Variants in SCAMP2 observed in about 807,000 individuals in gnomAD.
SCAMP2 encodes the protein secretory carrier membrane protein 2.
Under a neutral mutation model 44.1 loss-of-function variants are expected in SCAMP2, and 25 were observed. That is an observed-to-expected ratio of 0.57 (90% CI 0.41 to 0.79). SCAMP2 has a LOEUF of 0.79. SCAMP2 is among the 30% of genes least tolerant of loss of function. The pLI is 0.00. For missense variants in SCAMP2, 355 were observed against 411.0 expected (o/e 0.86, Z 1.18); for synonymous variants, 156 against 166.0 (o/e 0.94, Z 0.46).
Position 74,845,140 on chromosome 15 carries a change from G to A in SCAMP2, c.933C>T (p.Ser311=). 3 of 1,614,050 alleles carry A rather than the reference G, an allele frequency of 1.9e-6. No homozygotes were observed. The highest frequency in any genetic ancestry group is 2.5e-6 in the Non-Finnish European group (3 of 1,179,996). The change falls in exon 9 of 9, where the codon AGC becomes AGT. Residue 311 remains serine, a synonymous_variant. Coordinates refer to ENST00000268099, the MANE Select transcript of SCAMP2 (RefSeq NM_005697.5). ...QEEFSQGIFS[S]RTFHRAASSA... ...ATGAAGCAGCTCTGTGGAAGGTTCT[G>A]CTGCTGAAGATGCCCTGGGAAAACT...
At chr15:74,869,040 C>G (rs1430433863) in intron 1 of SCAMP2, among the ~76,000 whole-genome samples, 1 of 151,980 alleles carries the variant, frequency 6.6e-6, no homozygotes, top group Non-Finnish European at 1.5e-5. Flanking sequence ...TGTAATCCTA[C>G]CTACTCAGGA....
intron 1 of SCAMP2, among the ~76,000 whole-genome samples, chr15:74,862,854 ACAC>A: frequency 3.9e-4 from 3 of 7,660 alleles, no homozygotes; most frequent in South Asian, 4.8e-3. Context: ...AACAAACCAT[ACAC>A]ACACACACAC....
At chr15:74,849,383 G>A (rs2064419838) in intron 6 of SCAMP2, among the ~76,000 whole-genome samples, 1 of 151,778 alleles carries the variant, frequency 6.6e-6, no homozygotes, top group Non-Finnish European at 1.5e-5. Flanking sequence ...GGGAGGCGGA[G>A]GTTGCAGTGA....
At chr15:74,865,074 CAAAAAAAAA>C (rs36079981) in intron 1 of SCAMP2, among the ~76,000 whole-genome samples, 1 of 32,824 alleles carries the variant, frequency 3.0e-5, no homozygotes, top group African/African-American at 1.4e-4. Flanking sequence ...GACTCTATCT[CAAAAAAAAA>C]AAAAAAAAAA....
In SCAMP2 at chr15:74,872,474, A is replaced by G. The variant is rs1325731344; in HGVS notation, c.57+725T>C. On this transcript the variant is annotated intron_variant, in intron 1 of 8. Coordinates refer to ENST00000268099, the MANE Select transcript of SCAMP2 (RefSeq NM_005697.5). ...AGTGCATCTCAACTATGTTGCCACC[A>G]CACACAGTTCCATCAGACAAACGTT... 2.0e-5 allele frequency among the ~76,000 whole-genome samples: 3 copies of G among 150,692 alleles called. No homozygotes were observed. In the East Asian group the frequency reaches 5.8e-4, roughly 29 times the overall value.
intron 1 of SCAMP2, among the ~76,000 whole-genome samples, chr15:74,870,391 A>G (rs778926917): frequency 2.8e-4 from 42 of 152,316 alleles, no homozygotes; most frequent in Non-Finnish European, 5.9e-5. Context: ...GTCAGACAGC[A>G]GCAGACTTTT....
Position 74,844,187 on chromosome 15 carries a change from G to C in SCAMP2, c.*896C>G, listed in dbSNP as rs1339541886. On this transcript the variant is annotated 3_prime_UTR_variant, in exon 9 of 9. Coordinates refer to ENST00000268099, the MANE Select transcript of SCAMP2 (RefSeq NM_005697.5). ...ATCTGAGGCAGAGACAAAGGCAGCC[G>C]TCCCTCGGTTCGGGGAGGGGGGGGG... The C allele has an allele frequency of 7.1e-6, 1 of 140,956 alleles. No homozygotes were observed. The highest frequency in any genetic ancestry group is 2.6e-5 in the African/African-American group (1 of 38,180). The allele number at this position is 140,956 out of a possible 1,614,324, so 8.7% of individuals were successfully genotyped here.
Position 74,873,312 on chromosome 15 carries a change from A to G in SCAMP2, c.-57T>C. 1.4e-6 allele frequency: 2 copies of G among 1,440,556 alleles called. No homozygotes were observed. Among genetic ancestry groups the G allele is most frequent in the Non-Finnish European group, 1.8e-6 (2 of 1,095,262 alleles). The allele number at this position is 1,440,556 out of a possible 1,614,324, so 89.2% of individuals were successfully genotyped here. ...AACGCTGCTGCCTCCGGGCACCCAGACCCAGCGGCGCTTCGTGTAGACCCT... is the reference window on the plus strand; with the variant it reads ...AACGCTGCTGCCTCCGGGCACCCAGGCCCAGCGGCGCTTCGTGTAGACCCT... On this transcript the variant is annotated 5_prime_UTR_variant, in exon 1 of 9. Coordinates refer to ENST00000268099, the MANE Select transcript of SCAMP2 (RefSeq NM_005697.5).
At chr15:74,848,338 G>A (rs951804865) in intron 7 of SCAMP2, 13 of 316,988 alleles carry the variant, frequency 4.1e-5, no homozygotes, top group African/African-American at 1.3e-4. Flanking sequence ...AAAGTACTGG[G>A]ATTCCAGGCA....
chr15:74,866,791 T>G (rs1473802677), intron 1 of SCAMP2, among the ~76,000 whole-genome samples: 3 of 106,572 alleles, frequency 2.8e-5, no homozygotes. Context: ...GAGCATTTAT[T>G]TTCTTTCTTT....
chr15:74,868,345 C>A (rs1053846716), intron 1 of SCAMP2, among the ~76,000 whole-genome samples: 2 of 152,182 alleles, frequency 1.3e-5, no homozygotes, highest in African/African-American at 2.4e-5. Context: ...TGGAAGCAGG[C>A]ACTTAATAAA....
chr15:74,860,559 G>T (rs1003229217), intron 1 of SCAMP2, among the ~76,000 whole-genome samples: 3 of 151,798 alleles, frequency 2.0e-5, no homozygotes, highest in African/African-American at 7.3e-5. Context: ...GTGGTGGCAG[G>T]CGCCTGTAAT....
At chr15:74,865,785 C>A (rs1227841892) in intron 1 of SCAMP2, among the ~76,000 whole-genome samples, 146 of 90,622 alleles carry the variant, frequency 1.6e-3, no homozygotes, top group South Asian at 2.6e-3. Context: ...CTCATTTCTC[C>A]AAAAAAAAAA....
intron 1 of SCAMP2, among the ~76,000 whole-genome samples, chr15:74,866,023 G>A (rs934078966): frequency 9.0e-6 from 1 of 111,428 alleles, no homozygotes; most frequent in African/African-American, 4.2e-5. Context: ...AGGAAAGGAG[G>A]GAGGGAGGGG....
chr15:74,871,550 C>T (rs189618071), intron 1 of SCAMP2, among the ~76,000 whole-genome samples: 5 of 151,218 alleles, frequency 3.3e-5, no homozygotes, highest in African/African-American at 9.7e-5. Context: ...GTCGGGAGTT[C>T]GAGACCAGCC....
At chr15:74,865,606 G>C (rs147192884) in intron 1 of SCAMP2, among the ~76,000 whole-genome samples, 1 of 151,624 alleles carries the variant, frequency 6.6e-6, no homozygotes, top group Non-Finnish European at 1.5e-5. Flanking sequence ...TCAGGAGGAA[G>C]CTGAGAACTA....
At chr15:74,870,511 T>G (rs910410657) in intron 1 of SCAMP2, among the ~76,000 whole-genome samples, 3 of 152,144 alleles carry the variant, frequency 2.0e-5, no homozygotes, top group Admixed American at 1.3e-4. Context: ...ACCCCAGTAT[T>G]ATACAGCAGT....
intron 3 of SCAMP2, chr15:74,852,769 C>T (rs2064443768): frequency 2.6e-5 from 4 of 153,068 alleles, no homozygotes; most frequent in Admixed American, 2.6e-4. Context: ...GGCTACACCC[C>T]AGGACAGCCC....
intron 1 of SCAMP2, among the ~76,000 whole-genome samples, chr15:74,859,986 C>A (rs1220116000): frequency 6.6e-6 from 1 of 152,140 alleles, no homozygotes; most frequent in African/African-American, 2.4e-5. Context: ...CAGGGCCAGC[C>A]GGGCACGGTG....
Sources: gnomAD v4.1 joint callset for allele counts (sites outside exome capture counted in the v4.1 genomes callset) on GRCh38, gnomAD v4.1.1 for gene constraint, MANE v1.5 for transcripts, NCBI Gene and HGNC (gene_info 2026-07-23, HGNC 2026-07-21) for gene names.